Variants in PRKAR1B observed in about 807,000 individuals in gnomAD.
PRKAR1B encodes protein kinase cAMP-dependent type I regulatory subunit beta.
Under a neutral mutation model 46.5 loss-of-function variants are expected in PRKAR1B, and 22 were observed. That is an observed-to-expected ratio of 0.47 (90% CI 0.34 to 0.68). The LOEUF is 0.68. Ranked by LOEUF, PRKAR1B falls within the 30% of genes least tolerant of loss-of-function variation. The pLI is 0.01. For synonymous variants in PRKAR1B, 259 were observed against 217.7 expected, an observed-to-expected ratio of 1.19 and a Z score of -1.67; for missense variants, 445 against 535.6, an observed-to-expected ratio of 0.83 and a Z score of 1.67.
At chr7:559,331 G>A (rs1247823344) in intron 9 of PRKAR1B, among the ~76,000 whole-genome samples, 5 of 152,322 alleles carry the variant, frequency 3.3e-5, no homozygotes, top group Non-Finnish European at 7.4e-5. Context: ...CGTGGGGGCC[G>A]CATCCCAGGC....
intron 2 of PRKAR1B, among the ~76,000 whole-genome samples, chr7:705,460 G>A (rs1472611575): frequency 1.3e-5 from 2 of 152,038 alleles, no homozygotes; most frequent in African/African-American, 4.8e-5. Context: ...AGATAGGACA[G>A]ACATTCTGGA....
At chr7:583,695 C>T (rs1780422363) in intron 8 of PRKAR1B, among the ~76,000 whole-genome samples, 2 of 123,144 alleles carry the variant, frequency 1.6e-5, no homozygotes, top group Admixed American at 7.5e-5. Flanking sequence ...GGTGCACTCA[C>T]ACCCTCACAC....
chr7:702,730 G>A (rs1176257099), intron 2 of PRKAR1B, among the ~76,000 whole-genome samples: 2 of 152,194 alleles, frequency 1.3e-5, no homozygotes, highest in African/African-American at 4.8e-5. Flanking sequence ...GGCTGAGGCA[G>A]GAGAATGGTG....
chr7:686,575 G>C (rs1404354864), intron 2 of PRKAR1B, among the ~76,000 whole-genome samples: 1 of 152,106 alleles, frequency 6.6e-6, no homozygotes, highest in Non-Finnish European at 1.5e-5. Context: ...GGTTGTTCTT[G>C]CAGTTAGAGA....
At chr7:586,446 C>G (rs1362018274) in intron 7 of PRKAR1B, among the ~76,000 whole-genome samples, 1 of 152,254 alleles carries the variant, frequency 6.6e-6, no homozygotes. Flanking sequence ...GCCCTGCTCT[C>G]TCCTGGATCG....
intron 4 of PRKAR1B, among the ~76,000 whole-genome samples, chr7:670,308 G>C (rs949296995): frequency 1.3e-5 from 2 of 152,178 alleles, no homozygotes; most frequent in Non-Finnish European, 2.9e-5. Flanking sequence ...TGACTGCCCA[G>C]CATCCCTGCA....
At chr7:595,497 G>A (rs1781220098) in intron 7 of PRKAR1B, among the ~76,000 whole-genome samples, 1 of 152,134 alleles carries the variant, frequency 6.6e-6, no homozygotes, top group South Asian at 2.1e-4. Context: ...TGGCAGGTGG[G>A]GTGTGTGCGG....
chr7:718,379 C>T (rs77198394), intron 1 of PRKAR1B, among the ~76,000 whole-genome samples: 1 of 136,364 alleles, frequency 7.3e-6, no homozygotes, highest in East Asian at 2.1e-4. Flanking sequence ...TTTTTTTTTC[C>T]AGAGTCTTGC....
chr7:583,104 CG>C (rs1229320261), intron 8 of PRKAR1B, among the ~76,000 whole-genome samples: 1 of 151,930 alleles, frequency 6.6e-6, no homozygotes, highest in Non-Finnish European at 1.5e-5. Context: ...GGCTCTGTCT[CG>C]GGTGAGGACG....
At chr7:551,157 G>A (rs1320286433) in intron 10 of PRKAR1B, among the ~76,000 whole-genome samples, 1 of 152,122 alleles carries the variant, frequency 6.6e-6, no homozygotes, top group Admixed American at 6.5e-5. Context: ...CATGCCCTCT[G>A]GGGGACCCCA....
At chr7:653,290 A>T (rs1302408677) in intron 4 of PRKAR1B, among the ~76,000 whole-genome samples, 2 of 152,156 alleles carry the variant, frequency 1.3e-5, no homozygotes, top group African/African-American at 2.4e-5. Flanking sequence ...CAGGAATTCA[A>T]CGAGGCCTTC....
chr7:558,664 G>A (rs1266831459), intron 9 of PRKAR1B, among the ~76,000 whole-genome samples: 2 of 151,766 alleles, frequency 1.3e-5, no homozygotes, highest in African/African-American at 4.8e-5. Flanking sequence ...GAGGCAGGAG[G>A]ATTGAATGAA....
intron 4 of PRKAR1B, among the ~76,000 whole-genome samples, chr7:622,545 A>C (rs1006135703): frequency 6.6e-6 from 1 of 152,236 alleles, no homozygotes; most frequent in Non-Finnish European, 1.5e-5. Context: ...TCTGATCTTT[A>C]GTTTTTTTCA....
chr7:659,894 A>T (rs1785415097), intron 4 of PRKAR1B, among the ~76,000 whole-genome samples: 1 of 152,074 alleles, frequency 6.6e-6, no homozygotes, highest in Non-Finnish European at 1.5e-5. Flanking sequence ...TTTTATTACA[A>T]TAAAAAAATG....
rs543539038 is a variant in PRKAR1B at position 583,606 on chromosome 7, C to A, written c.769+902G>T. ...TGCACACTCCCAGGTGCACACACAC[C>A]CCCTCACACGTGCACACTCAAACCC... On this transcript the variant is annotated intron_variant, in intron 8 of 10. Coordinates refer to ENST00000537384, the MANE Select transcript of PRKAR1B (RefSeq NM_001164760.2). Among the ~76,000 whole-genome samples, 18 of 124,438 alleles carry A rather than the reference C, an allele frequency of 1.4e-4. 2 individuals are homozygous for A. The highest frequency in any genetic ancestry group is 1.4e-3 in the East Asian group (7 of 4,942). The allele number at this position is 124,438 out of a possible 152,430, so 81.6% of individuals were successfully genotyped here. A position where few individuals can be genotyped will look rare whatever the true frequency, so the allele number is the denominator to read the frequency against.
chr7:657,258 TGGAC>T lies in PRKAR1B; in HGVS notation c.440+19967_440+19970del, dbSNP rs112672903. ...ATGGATAAATGAATGGATGGATGAA[TGGAC>T]GGACGGATGGATGGATGGATGGATG... On this transcript the variant is annotated intron_variant, in intron 4 of 10. Coordinates refer to ENST00000537384, the MANE Select transcript of PRKAR1B (RefSeq NM_001164760.2). Among the ~76,000 whole-genome samples the T allele has an allele frequency of 2.2e-4, 28 of 125,180 alleles. 1 individual carries two copies. In the South Asian group the frequency reaches 2.7e-3, roughly 12 times the overall value. The allele number at this position is 125,180 out of a possible 152,430, so 82.1% of individuals were successfully genotyped here.
rs1285186442 is a variant in PRKAR1B at position 599,785 on chromosome 7, G to GGGAGTGTGTAATGTGGACAGAGCTTCA, written c.550-3482_550-3481insTGAAGCTCTGTCCACATTACACACTCC. 1.3e-3 allele frequency among the ~76,000 whole-genome samples: 199 copies of GGGAGTGTGTAATGTGGACAGAGCTTCA among 148,954 alleles called. 5 individuals are homozygous for GGGAGTGTGTAATGTGGACAGAGCTTCA. Among genetic ancestry groups the GGGAGTGTGTAATGTGGACAGAGCTTCA allele is most frequent in the East Asian group, 2.0e-3 (10 of 5,000 alleles). On this transcript the variant is annotated intron_variant, in intron 6 of 10. Coordinates refer to ENST00000537384, the MANE Select transcript of PRKAR1B (RefSeq NM_001164760.2). ...AGGAGCTGGGGGAGGCACATGGGCA[G>GGGAGTGTGTAATGTGGACAGAGCTTCA]GCCCCCCATTCACCTTCACTCGCTC...
chr7:578,021 T>G (rs9330374), intron 9 of PRKAR1B, among the ~76,000 whole-genome samples: 15 of 151,806 alleles, frequency 9.9e-5, no homozygotes, highest in African/African-American at 3.1e-4. Context: ...TCAGACCACA[T>G]TGCCATGGAA....
At chr7:719,014 G>C (rs1780982638) in intron 1 of PRKAR1B, among the ~76,000 whole-genome samples, 1 of 151,462 alleles carries the variant, frequency 6.6e-6, no homozygotes, top group South Asian at 2.1e-4. Context: ...TGGGATTACA[G>C]GTGCACCCCA....
Sources: gnomAD v4.1 joint callset for allele counts (sites outside exome capture counted in the v4.1 genomes callset) on GRCh38, gnomAD v4.1.1 for gene constraint, MANE v1.5 for transcripts, NCBI Gene and HGNC (gene_info 2026-07-23, HGNC 2026-07-21) for gene names.